Variants in SPEN observed in about 807,000 individuals in gnomAD.
SPEN encodes spen family transcriptional repressor.
A neutral mutation model predicts 269.9 loss-of-function variants in SPEN; 18 were observed. That is an observed-to-expected ratio of 0.07 (90% CI 0.05 to 0.10). SPEN has a LOEUF of 0.10. Among genes scored for constraint, SPEN ranks in the 10% least tolerant of loss-of-function variants. SPEN has a pLI of 1.00. For missense variants in SPEN, 3,822 were observed against 4,631.2 expected (o/e 0.83, Z 5.07); for synonymous variants, 1,726 against 1,765.7 (o/e 0.98, Z 0.56).
At position 15,934,745 on chromosome 1, in the gene SPEN, C is replaced by T. The variant is rs1442892166; in HGVS notation, c.8505C>T (p.Ser2835=). ...CACAGCGGATCAGCGCCAAGATCAG[C>T]CAGATCCCCCCGGCCAGTGCAATGG... ...EGPQRISAKI[S]QIPPASAMDI... Residue 2835 remains serine, a synonymous_variant, in exon 11 of 15, where the codon AGC becomes AGT. Transcript: ENST00000375759. This position sits in a 1 kb window ranked among gnomAD's most constrained non-coding sequence, Gnocchi z 9.2. 6.2e-7 allele frequency: 1 copy of T among 1,614,152 alleles called. No individual in the cohort carries two copies. The highest frequency in any genetic ancestry group is 1.1e-5 in the South Asian group (1 of 91,084).
intron 1 of SPEN, among the ~76,000 whole-genome samples, chr1:15,861,346 C>T (rs150430722): frequency 1.3e-5 from 2 of 151,832 alleles, no homozygotes; most frequent in Non-Finnish European, 2.9e-5. Context: ...TGGCCAGGCT[C>T]GTCTCGAACT....
rs2071010737 is a variant in SPEN, at chr1:15,911,363, A to G, written c.1243+62A>G. ...ACACACACTGTTTGTGTTGCAGTGT[A>G]TGAGAGGGCAGCATATGATCCTGAA... On this transcript the variant is annotated intron_variant, in intron 5 of 14. Coordinates refer to ENST00000375759, the MANE Select transcript of SPEN (RefSeq NM_015001.3). 12 of 1,347,162 alleles carry G rather than the reference A, an allele frequency of 8.9e-6. No homozygotes were observed. The South Asian group carries it at 1.1e-4, about 12-fold the overall frequency. 83.5% of individuals were successfully genotyped at this position (1,347,162 alleles called of 1,614,324 possible).
At chr1:15,881,626 A>G (rs1459106017) in intron 3 of SPEN, among the ~76,000 whole-genome samples, 1 of 152,232 alleles carries the variant, frequency 6.6e-6, no homozygotes, top group Non-Finnish European at 1.5e-5. Flanking sequence ...ATAAAGCAAA[A>G]TTGATGTAGA....
intron 3 of SPEN, among the ~76,000 whole-genome samples, chr1:15,902,726 A>C (rs1279132779): frequency 6.6e-6 from 1 of 152,192 alleles, no homozygotes; most frequent in African/African-American, 2.4e-5. Flanking sequence ...TGGGCACCCA[A>C]ACCTGATTGA....
intron 6 of SPEN, among the ~76,000 whole-genome samples, chr1:15,918,141 G>GTTAT (rs897096704): frequency 5.3e-5 from 8 of 152,112 alleles, no homozygotes; most frequent in South Asian, 4.1e-4. Flanking sequence ...ACAGTTATCT[G>GTTAT]TTATTTATTT....
At chr1:15,925,527 T>A (rs1203611206) in intron 10 of SPEN, among the ~76,000 whole-genome samples, 1 of 152,174 alleles carries the variant, frequency 6.6e-6, no homozygotes, top group African/African-American at 2.4e-5. Flanking sequence ...CCAGCATGAA[T>A]GCTTATACAT....
At chr1:15,885,463 T>C (rs907416251) in intron 3 of SPEN, among the ~76,000 whole-genome samples, 1 of 152,250 alleles carries the variant, frequency 6.6e-6, no homozygotes, top group African/African-American at 2.4e-5. Context: ...GTTTCTATCT[T>C]GACGTTTATA....
intron 3 of SPEN, among the ~76,000 whole-genome samples, chr1:15,879,878 G>GC (rs2070670205): frequency 6.6e-6 from 1 of 152,122 alleles, no homozygotes; most frequent in Non-Finnish European, 1.5e-5. Flanking sequence ...CACCGTGTTA[G>GC]CCAGGATGGT....
chr1:15,895,360 T>C (rs2070831792), intron 3 of SPEN, among the ~76,000 whole-genome samples: 1 of 152,238 alleles, frequency 6.6e-6, no homozygotes, highest in Admixed American at 6.5e-5. Context: ...ACTGTTCTGC[T>C]TTCTGTCCTC....
At chr1:15,879,979 A>G (rs2070671629) in intron 3 of SPEN, among the ~76,000 whole-genome samples, 1 of 152,076 alleles carries the variant, frequency 6.6e-6, no homozygotes, top group African/African-American at 2.4e-5. Flanking sequence ...CCAGCAGACA[A>G]ATTTAATTCA....
intron 1 of SPEN, among the ~76,000 whole-genome samples, chr1:15,852,411 A>G (rs2070344985): frequency 6.6e-6 from 1 of 152,240 alleles, no homozygotes; most frequent in African/African-American, 2.4e-5. Context: ...TTATCTTAAA[A>G]CATTAAAAAT....
At chr1:15,918,811 TA>T in intron 6 of SPEN, 114 bp from the exon 7 acceptor site, 1 of 811,726 alleles carries the variant, frequency 1.2e-6, no homozygotes, top group Non-Finnish European at 1.9e-6. Context: ...TTTAACTAAG[TA>T]AATGATGATT....
chr1:15,917,447 T>TGG (rs2148732205), intron 6 of SPEN, among the ~76,000 whole-genome samples: 1 of 152,126 alleles, frequency 6.6e-6, no homozygotes, highest in East Asian at 1.9e-4. Context: ...TGGAGTGCAG[T>TGG]GGTGCGATCT....
At position 15,928,967 on chromosome 1, in the gene SPEN, A is replaced by G. The variant is rs1441180067; in HGVS notation, c.2727A>G (p.Lys909=). ...CCAAGCTTGATAATGACACTGTCAA[A>G]TCTTCTGCCCTGGACCAGAAACTTC... ...LKAKLDNDTV[K]SSALDQKLQV... The change falls in exon 11 of 15, where the codon AAA becomes AAG. Residue 909 remains lysine (K), a synonymous_variant. Coordinates refer to ENST00000375759, the MANE Select transcript of SPEN (RefSeq NM_015001.3). This position sits in a 1 kb window ranked among gnomAD's most constrained non-coding sequence, Gnocchi z 5.7. 1.2e-6 allele frequency: 2 copies of G among 1,614,134 alleles called. No homozygotes were observed. Among genetic ancestry groups the G allele is most frequent in the Non-Finnish European group, 1.7e-6 (2 of 1,180,056 alleles).
At chr1:15,936,610 C>G (rs1007689180) in intron 11 of SPEN, among the ~76,000 whole-genome samples, 4 of 148,436 alleles carry the variant, frequency 2.7e-5, no homozygotes, top group African/African-American at 1.0e-4. Context: ...GGTCGTGCCA[C>G]TAGGCTCCAG....
intron 1 of SPEN, among the ~76,000 whole-genome samples, chr1:15,862,794 C>G (rs947636040): frequency 2.6e-5 from 4 of 151,418 alleles, no homozygotes; most frequent in African/African-American, 9.7e-5. Context: ...CGGAGTCTCG[C>G]TCTGTCGCCC....
chr1:15,909,535 A>G (rs2070992135), intron 4 of SPEN, 54 bp downstream of exon 4: 1 of 1,476,986 alleles, frequency 6.8e-7, no homozygotes, highest in Non-Finnish European at 9.2e-7. Context: ...GGAATGAGGT[A>G]TGATACTGCA....
intron 3 of SPEN, among the ~76,000 whole-genome samples, chr1:15,883,807 C>CTT (rs36018800): frequency 1.7e-4 from 12 of 69,544 alleles, no homozygotes; most frequent in African/African-American, 3.8e-4. Context: ...ATTTAAGATT[C>CTT]TTTTTTTTTT....
At chr1:15,900,091 C>T (rs963309338) in intron 3 of SPEN, among the ~76,000 whole-genome samples, 5 of 152,252 alleles carry the variant, frequency 3.3e-5, no homozygotes, top group Admixed American at 2.0e-4. Flanking sequence ...GGCGGTCCAC[C>T]GTCCTCGGCC....
Sources: gnomAD v4.1 joint callset for allele counts (sites outside exome capture counted in the v4.1 genomes callset) on GRCh38, gnomAD v4.1.1 for gene constraint, Gnocchi (gnomAD v3.1) non-coding constraint, MANE v1.5 for transcripts, NCBI Gene and HGNC (gene_info 2026-07-23, HGNC 2026-07-21) for gene names.